LMO7: variants seen among roughly 807,000 people sequenced by gnomAD.
The protein encoded by LMO7 is LIM domain only protein 7.
Under a neutral mutation model 206.5 loss-of-function variants are expected in LMO7, and 120 were observed. The ratio of observed to expected loss-of-function variants is 0.58; its 90% CI spans 0.50 to 0.68. LMO7 has a LOEUF of 0.68. Among genes scored for constraint, LMO7 ranks in the 30% least tolerant of loss-of-function variants. The probability of loss-of-function intolerance (pLI) is 0.00; values close to 1 mark genes in which losing one functional copy is unlikely to be tolerated. For missense variants in LMO7, 1,959 were observed against 1,957.9 expected (o/e 1.00, Z -0.01); for synonymous variants, 706 against 681.5 (o/e 1.04, Z -0.56).
chr13:75,834,162 G>A, intron 16 of LMO7, 64 bp from the exon 17 acceptor site: 1 of 1,234,766 alleles, frequency 8.1e-7, no homozygotes, highest in Non-Finnish European at 1.1e-6. Context: ...TAAGTTCAAA[G>A]CAGCAACTAA....
At chr13:75,629,575 C>G (rs2034645224) in intron 2 of LMO7, among the ~76,000 whole-genome samples, 1 of 152,074 alleles carries the variant, frequency 6.6e-6, no homozygotes, top group Non-Finnish European at 1.5e-5. Context: ...AAGCACAGGT[C>G]AAGTCGTGGT....
In LMO7 at chr13:75,835,266, C is replaced by T. The variant is rs999383281; in HGVS notation, c.3260C>T (p.Ser1087Phe). ...SPETKWIDAT[S>F]GIYNSEKSSN... ...GAAACAAAGTGGATTGATGCAACTT[C>T]TGGAATTTACAACTCAGAAAAATCT... Residue 1087 changes from serine to phenylalanine, a missense_variant, in exon 18 of 31, where the codon TCT (serine) becomes TTT (phenylalanine). By Grantham distance (155) the Ser-to-Phe change is radical. Transcript: ENST00000377534. The T allele has an allele frequency of 4.3e-6, 7 of 1,611,758 alleles. No individual in the cohort carries two copies. The Admixed American group carries it at 5.0e-5, about 12-fold the overall frequency.
At chr13:75,739,620 C>T (rs906185975) in intron 3 of LMO7, among the ~76,000 whole-genome samples, 6 of 152,210 alleles carry the variant, frequency 3.9e-5, no homozygotes, top group Admixed American at 1.3e-4. Flanking sequence ...ACTTCTGACT[C>T]TTTCATCTTT....
chr13:75,834,191 T>C, intron 16 of LMO7, 35 bp from the exon 17 acceptor site: 1 of 1,529,316 alleles, frequency 6.5e-7, no homozygotes, highest in Non-Finnish European at 8.9e-7. Flanking sequence ...GTGGGATTTT[T>C]TTCCCCAATT....
At chr13:75,822,827 T>TATATATATATATAATAAA (rs1459833170) in intron 14 of LMO7, among the ~76,000 whole-genome samples, 1 of 12,968 alleles carries the variant, frequency 7.7e-5, no homozygotes, top group Non-Finnish European at 2.2e-4. Context: ...TATAATAAAA[T>TATATATATATATAATAAA]ATATATATAT....
At chr13:75,727,126 A>C (rs762808138) in intron 3 of LMO7, 28 bp downstream of exon 3, 1 of 1,382,716 alleles carries the variant, frequency 7.2e-7, no homozygotes, top group South Asian at 1.2e-5. Context: ...TTCACAACTA[A>C]ATTTATTTGT....
At chr13:75,685,007 C>T (rs950850212) in intron 1 of LMO7, among the ~76,000 whole-genome samples, 1 of 152,130 alleles carries the variant, frequency 6.6e-6, no homozygotes, top group Admixed American at 6.6e-5. Context: ...GTTGGGTTAA[C>T]TCTGGTGAAT....
At position 75,761,110 on chromosome 13, in the gene LMO7, A is replaced by G. The variant is rs1594782112; in HGVS notation, c.317+72A>G. ...AGGGCTTGTAGCTTAAGTGAAAAGA[A>G]TTGCTGAGAGTTCATGATTACAGAA... is the stretch of plus-strand genomic sequence containing the variant. On this transcript the variant is annotated intron_variant, in intron 4 of 30. Coordinates refer to ENST00000377534, the MANE Select transcript of LMO7 (RefSeq NM_001306080.2). 2.9e-5 allele frequency: 28 copies of G among 966,282 alleles called. No individual in the cohort carries two copies. The East Asian group carries it at 7.4e-4, about 25-fold the overall frequency. The allele number at this position is 966,282 out of a possible 1,614,324, so 59.9% of individuals were successfully genotyped here.
intron 1 of LMO7, among the ~76,000 whole-genome samples, chr13:75,657,758 A>AT (rs1474355902): frequency 1.3e-5 from 2 of 152,130 alleles, no homozygotes; most frequent in African/African-American, 4.8e-5. Context: ...TTTTGTGTAT[A>AT]TTTTATATAT....
upstream of LMO7, chr13:75,636,315 C>T (rs892268824): frequency 3.0e-5 from 33 of 1,100,010 alleles, no homozygotes; most frequent in African/African-American, 5.4e-4. Context: ...GGCGGCGCTG[C>T]GACTTTTGAA....
At position 75,853,120 on chromosome 13, in the gene LMO7, C is replaced by T. The variant is rs1595550443; in HGVS notation, c.4393C>T (p.Pro1465Ser). ...CGAATCTTTAGATAACCTGGACTCCCCCCGATCCAATTCTTGGAGACAGCC... is the reference window on the plus strand; with the variant it reads ...CGAATCTTTAGATAACCTGGACTCCTCCCGATCCAATTCTTGGAGACAGCC... ...RGESLDNLDS[P>S]RSNSWRQPPW... is the part of the protein sequence containing the mutation. Residue 1465 changes from proline to serine, a missense_variant, in exon 28 of 31, where the codon CCC becomes TCC. Pro to Ser is a moderately conservative substitution (Grantham distance 74, BLOSUM62 -1). Transcript: ENST00000377534. 6.2e-7 allele frequency: 1 copy of T among 1,611,248 alleles called. No individual in the cohort carries two copies. Among genetic ancestry groups the T allele is most frequent in the Non-Finnish European group, 8.5e-7 (1 of 1,178,394 alleles).
At chr13:75,776,682 A>G (rs528881079) in intron 4 of LMO7, among the ~76,000 whole-genome samples, 19 of 152,134 alleles carry the variant, frequency 1.2e-4, no homozygotes, top group Non-Finnish European at 2.5e-4. Context: ...TTATCCCACA[A>G]TTCTAATCGA....
chr13:75,731,648 A>G (rs1382439352), intron 3 of LMO7, among the ~76,000 whole-genome samples: 1 of 151,022 alleles, frequency 6.6e-6, no homozygotes, highest in Admixed American at 6.6e-5. Flanking sequence ...TAATATTGTT[A>G]TGTGTGAATT....
chr13:75,664,685 C>G lies in LMO7; in HGVS notation c.69+27959C>G, dbSNP rs151071912. ...GGTTCCCTTTTCTTCACATCCTGGC[C>G]AGCATTTGTTATTGCCTGTCTTTTG... On this transcript the variant is annotated intron_variant, in intron 1 of 30. Transcript: ENST00000377534. 4.0e-3 allele frequency among the ~76,000 whole-genome samples: 610 copies of G among 152,300 alleles called. 9 individuals carry two copies. Among genetic ancestry groups the G allele is most frequent in the African/African-American group, 0.014 (583 of 41,552 alleles).
At chr13:75,802,400 A>G (rs1445419872) in intron 7 of LMO7, among the ~76,000 whole-genome samples, 1 of 152,236 alleles carries the variant, frequency 6.6e-6, no homozygotes, top group African/African-American at 2.4e-5. Flanking sequence ...AAGCTGTAAA[A>G]GCAGAGGCTG....
In LMO7 at chr13:75,830,170, A is replaced by G. The variant is rs3783026; in HGVS notation, c.2950-2881A>G. ...GGAAGTTGAAATCCTTCCTGAAATC[A>G]TTGATGAACAATTTATACTTGAATG... On this transcript the variant is annotated intron_variant, in intron 15 of 30. Coordinates refer to ENST00000377534, the MANE Select transcript of LMO7 (RefSeq NM_001306080.2). 4.7e-4 allele frequency among the ~76,000 whole-genome samples: 72 copies of G among 152,302 alleles called. 1 individual carries two copies. The East Asian group carries it at 0.011, about 22-fold the overall frequency.
chr13:75,851,036 G>A (rs776912147), intron 27 of LMO7, among the ~76,000 whole-genome samples: 2 of 152,082 alleles, frequency 1.3e-5, no homozygotes, highest in Admixed American at 6.6e-5. Context: ...GGAAAATCTC[G>A]CACCATGGCA....
At position 75,621,829 on chromosome 13, in the gene LMO7, G is replaced by C. The variant is rs369455674; in HGVS notation, c.136G>C (p.Gly46Arg). The C allele has an allele frequency of 2.0e-5, 32 of 1,608,598 alleles. No homozygotes were observed. The South Asian group carries it at 2.2e-4, about 11-fold the overall frequency. The change falls in exon 1 of 30, where the codon GGT becomes CGT. Residue 46 changes from glycine (G) to arginine (R), a missense_variant. Transcript: ENST00000341547. ...ATGTGCTCATGTCTGCATCTGTGTG[G>C]GTTGGCTGTATCTCAGGGACAGAGT...
At chr13:75,838,292 C>T (rs941995848) in intron 20 of LMO7, 96 bp downstream of exon 20, 2 of 1,539,932 alleles carry the variant, frequency 1.3e-6, no homozygotes, top group African/African-American at 1.4e-5. Flanking sequence ...TGAGCCTCTT[C>T]AATTTGTCTG....
Sources: gnomAD v4.1 joint callset for allele counts (sites outside exome capture counted in the v4.1 genomes callset) on GRCh38, gnomAD v4.1.1 for gene constraint, MANE v1.5 for transcripts, NCBI Gene and HGNC (gene_info 2026-07-23, HGNC 2026-07-21) for gene names.